Variants in PIK3C2G observed in about 807,000 individuals in gnomAD.
PIK3C2G encodes phosphatidylinositol-4-phosphate 3-kinase catalytic subunit type 2 gamma, also known as phosphatidylinositol 3-kinase C2 domain-containing subunit gamma.
A neutral mutation model predicts 181.1 loss-of-function variants in PIK3C2G; 168 were observed. The ratio of observed to expected loss-of-function variants is 0.93; its 90% CI spans 0.82 to 1.05. The LOEUF is 1.05. PIK3C2G is among the 50% of genes least tolerant of loss of function. The probability of loss-of-function intolerance (pLI) is 0.00; values close to 1 mark genes in which losing one functional copy is unlikely to be tolerated. For missense variants in PIK3C2G, 1,869 were observed against 1,732.8 expected (o/e 1.08, Z -1.40); for synonymous variants, 573 against 592.2 (o/e 0.97, Z 0.47).
chr12:18,420,430 AC>A (rs1203658690), intron 16 of PIK3C2G, among the ~76,000 whole-genome samples: 2 of 152,152 alleles, frequency 1.3e-5, no homozygotes, highest in Admixed American at 6.6e-5. Flanking sequence ...TCTTTCAAGA[AC>A]TTCACAGTCT....
At chr12:18,392,585 C>T (rs985959484) in intron 15 of PIK3C2G, among the ~76,000 whole-genome samples, 3 of 150,436 alleles carry the variant, frequency 2.0e-5, no homozygotes, top group Non-Finnish European at 3.0e-5. Context: ...ACTTAAATGT[C>T]ACCTCAAAAA....
At chr12:18,614,777 TG>T (rs1948512748) in intron 31 of PIK3C2G, among the ~76,000 whole-genome samples, 2 of 152,110 alleles carry the variant, frequency 1.3e-5, no homozygotes, top group African/African-American at 4.8e-5. Flanking sequence ...TTCATTTACA[TG>T]TTTCCAACTG....
chr12:18,258,771 C>T (rs1189047897), upstream of PIK3C2G, among the ~76,000 whole-genome samples: 1 of 151,830 alleles, frequency 6.6e-6, no homozygotes, highest in Non-Finnish European at 1.5e-5. Context: ...TGTTGAGGCT[C>T]AGGTTGTATA....
chr12:18,675,478 A>G, the PIK3C2G span, among the ~76,000 whole-genome samples: 2 of 152,192 alleles, frequency 1.3e-5, no homozygotes, highest in East Asian at 3.9e-4. Context: ...TCACAGAACT[A>G]AAAGCAGAAC....
intron 26 of PIK3C2G, among the ~76,000 whole-genome samples, chr12:18,557,117 T>C (rs1011602629): frequency 6.6e-6 from 1 of 152,150 alleles, no homozygotes; most frequent in African/African-American, 2.4e-5. Flanking sequence ...AAAGTTTTAG[T>C]ACACTCAGAA....
At chr12:18,574,583 C>T (rs116630319) in intron 29 of PIK3C2G, among the ~76,000 whole-genome samples, 95 of 152,268 alleles carry the variant, frequency 6.2e-4, no homozygotes, top group African/African-American at 2.3e-3. Flanking sequence ...AGGGCATTAA[C>T]AGGTCATTCC....
At chr12:18,721,287 C>T in the PIK3C2G span, among the ~76,000 whole-genome samples, 79,609 of 151,406 alleles carry the variant, frequency 0.53, 24,005 homozygotes, top group East Asian at 0.66. Context: ...CTGTCACATA[C>T]CAATGAGGGA....
the PIK3C2G span, among the ~76,000 whole-genome samples, chr12:18,680,123 TGAG>T: frequency 1.3e-5 from 2 of 152,032 alleles, no homozygotes; most frequent in South Asian, 2.1e-4. Context: ...TTTGCAGTAC[TGAG>T]AAGAAAGGGA....
At chr12:18,423,255 G>A (rs1257056925) in intron 17 of PIK3C2G, among the ~76,000 whole-genome samples, 1 of 151,816 alleles carries the variant, frequency 6.6e-6, no homozygotes. Context: ...TATGAGAACT[G>A]GGTTTTCATT....
intron 31 of PIK3C2G, among the ~76,000 whole-genome samples, chr12:18,610,115 A>G (rs985803158): frequency 1.3e-5 from 2 of 152,094 alleles, no homozygotes; most frequent in Admixed American, 1.3e-4. Context: ...GGCAAGTCAG[A>G]GGCAATGATG....
rs774001673 is a variant in PIK3C2G at position 18,290,929 on chromosome 12, C to T, written c.836C>T (p.Pro279Leu). Residue 279 changes from proline (P) to leucine (L), a missense_variant, in exon 4 of 33, where the codon CCG (proline) becomes CTG (leucine). By Grantham distance (98) the Pro-to-Leu change is moderately conservative. Coordinates refer to ENST00000538779, the MANE Select transcript of PIK3C2G (RefSeq NM_001288772.2). ...GKIWSTTTAF[P>L]YQLFSKTKFN... ...ATCTGGAGCACTACTACAGCATTTC[C>T]GTATCAGCTCTTTTCTAAGACCAAG... is the stretch of plus-strand genomic sequence containing the variant. The T allele has an allele frequency of 1.1e-5, 18 of 1,581,984 alleles. No individual in the cohort carries two copies. The highest frequency in any genetic ancestry group is 4.5e-5 in the East Asian group (2 of 44,624).
intron 5 of PIK3C2G, among the ~76,000 whole-genome samples, chr12:18,303,138 CTTTTCT>C (rs764149495): frequency 6.1e-5 from 8 of 131,176 alleles, no homozygotes; most frequent in South Asian, 2.4e-4. Context: ...TTCTTTCTTT[CTTTTCT>C]TTTCTTTCTT....
the PIK3C2G span, among the ~76,000 whole-genome samples, chr12:18,680,792 T>C: frequency 6.6e-6 from 1 of 151,986 alleles, no homozygotes; most frequent in Non-Finnish European, 1.5e-5. Context: ...ACTATTGGAT[T>C]TGGGCTTGGA....
chr12:18,629,374 C>A (rs1949246073), intron 31 of PIK3C2G, among the ~76,000 whole-genome samples: 1 of 152,138 alleles, frequency 6.6e-6, no homozygotes, highest in African/African-American at 2.4e-5. Flanking sequence ...ATTTTAAGAA[C>A]TTCTTGTGCT....
At chr12:18,343,912 T>A (rs769651666) in intron 10 of PIK3C2G, among the ~76,000 whole-genome samples, 17 of 150,860 alleles carry the variant, frequency 1.1e-4, no homozygotes, top group Non-Finnish European at 2.2e-4. Flanking sequence ...ACAGTAGGTG[T>A]GAGATTGCAT....
chr12:18,329,934 T>G (rs1565604666), intron 8 of PIK3C2G, among the ~76,000 whole-genome samples: 1 of 152,136 alleles, frequency 6.6e-6, no homozygotes, highest in Non-Finnish European at 1.5e-5. Context: ...ACTAAACTCA[T>G]AAATTTGTCT....
At chr12:18,534,622 T>C (rs1943741803) in intron 24 of PIK3C2G, among the ~76,000 whole-genome samples, 1 of 151,846 alleles carries the variant, frequency 6.6e-6, no homozygotes, top group Non-Finnish European at 1.5e-5. Flanking sequence ...TTGTTTCTGA[T>C]GTTAAGACTA....
At chr12:18,477,856 T>C (rs1939160865) in intron 18 of PIK3C2G, among the ~76,000 whole-genome samples, 1 of 152,190 alleles carries the variant, frequency 6.6e-6, no homozygotes, top group Non-Finnish European at 1.5e-5. Flanking sequence ...GCCTTGCACC[T>C]ATAAACCTGC....
At chr12:18,408,755 C>T (rs1455367358) in intron 16 of PIK3C2G, among the ~76,000 whole-genome samples, 1 of 151,912 alleles carries the variant, frequency 6.6e-6, no homozygotes, top group Non-Finnish European at 1.5e-5. Flanking sequence ...TGAAGGACTT[C>T]TCAAAAGAAG....
Sources: allele counts gnomAD v4.1 joint callset (sites outside exome capture counted in the v4.1 genomes callset), GRCh38; gene constraint gnomAD v4.1.1; transcripts MANE v1.5; gene names NCBI Gene and HGNC (gene_info 2026-07-23, HGNC 2026-07-21).